Variants in ZCCHC9 observed in about 807,000 individuals in gnomAD.
ZCCHC9 encodes the protein zinc finger CCHC domain-containing protein 9.
A neutral mutation model predicts 30.8 loss-of-function variants in ZCCHC9; 18 were observed. That is an observed-to-expected ratio of 0.58 (90% CI 0.40 to 0.87). The LOEUF (loss-of-function observed/expected upper bound fraction) is 0.87. Among genes scored for constraint, ZCCHC9 ranks in the 40% least tolerant of loss-of-function variants. The probability of loss-of-function intolerance (pLI) is 0.00; values close to 1 mark genes in which losing one functional copy is unlikely to be tolerated. For synonymous variants in ZCCHC9, 94 were observed against 106.7 expected, an observed-to-expected ratio of 0.88 and a Z score of 0.73; for missense variants, 279 against 331.2, an observed-to-expected ratio of 0.84 and a Z score of 1.22.
intron 3 of ZCCHC9, 94 bp from the exon 4 acceptor site, chr5:81,308,852 A>C: frequency 2.2e-6 from 3 of 1,384,328 alleles, no homozygotes; most frequent in Non-Finnish European, 2.9e-6. Flanking sequence ...AAGTTATGTA[A>C]ATATATTTTT....
chr5:81,303,777 C>A (rs1380862078), intron 1 of ZCCHC9: 2 of 152,174 alleles, frequency 1.3e-5, no homozygotes, highest in Non-Finnish European at 2.9e-5. Context: ...TTTTCAGCTC[C>A]ATTATAATCA....
In ZCCHC9 at chr5:81,313,188, T is replaced by G. The variant is rs1758345391; in HGVS notation, c.*526T>G. ...TTTTTCTGAATACTTGATTCTCGAT[T>G]GAAATATCCATTGTTCGTTAATATC... is the stretch of plus-strand genomic sequence containing the variant. On this transcript the variant is annotated 3_prime_UTR_variant, in exon 6 of 6. Coordinates refer to ENST00000407610, the MANE Select transcript of ZCCHC9 (RefSeq NM_001131035.2). The G allele has an allele frequency of 6.6e-6, 1 of 152,282 alleles. No individual in the cohort carries two copies. Among genetic ancestry groups the G allele is most frequent in the Non-Finnish European group, 1.5e-5 (1 of 68,068 alleles). The allele number at this position is 152,282 out of a possible 1,614,324, so 9.4% of individuals were successfully genotyped here.
At position 81,308,639 on chromosome 5, in the gene ZCCHC9, G is replaced by A. The variant is rs992530546; in HGVS notation, c.463G>A (p.Gly155Arg). 1 of 1,613,964 alleles carries A rather than the reference G, an allele frequency of 6.2e-7. No individual in the cohort carries two copies. Among genetic ancestry groups the A allele is most frequent in the Non-Finnish European group, 8.5e-7 (1 of 1,179,916 alleles). Residue 155 changes from glycine to arginine, a missense_variant, in exon 3 of 6, where the codon GGG becomes AGG. Transcript: ENST00000407610. The part of the protein sequence containing the change: ...AALENQDMGT[G>R]ICYRCGSTEH... ...CCTTGAAAATCAAGACATGGGCACT[G>A]GGATATGTTACAGGTGTGGGTCCAC...
At chr5:81,302,010 G>T (rs1335548019) in intron 1 of ZCCHC9, 1 of 152,224 alleles carries the variant, frequency 6.6e-6, no homozygotes, top group Admixed American at 6.5e-5. Context: ...GAACAGCTTC[G>T]GTCCCCACTA....
intron 2 of ZCCHC9, among the ~76,000 whole-genome samples, chr5:81,307,434 G>A (rs538966668): frequency 1.2e-3 from 179 of 152,168 alleles, no homozygotes; most frequent in Non-Finnish European, 2.0e-3. Context: ...GGCTGAGGCA[G>A]GTGCATCAGG....
intron 5 of ZCCHC9, 34 bp downstream of exon 5, chr5:81,311,313 A>G (rs1580500061): frequency 6.3e-7 from 1 of 1,597,712 alleles, no homozygotes; most frequent in East Asian, 2.2e-5. Flanking sequence ...AGAAGGGGTG[A>G]GATTAGTATT....
chr5:81,311,766 T>C lies in ZCCHC9; in HGVS notation c.697+487T>C, dbSNP rs1266311260. Reference sequence around the variant, plus strand: ...CAGTATCTGGCGATTTTCTTCCTGATGAAATACCAGCCTTATTCATCAAAC... The same window carrying C: ...CAGTATCTGGCGATTTTCTTCCTGACGAAATACCAGCCTTATTCATCAAAC... On this transcript the variant is annotated intron_variant, in intron 5 of 5. Coordinates refer to ENST00000407610, the MANE Select transcript of ZCCHC9 (RefSeq NM_001131035.2). 2.0e-5 allele frequency among the ~76,000 whole-genome samples: 3 copies of C among 152,294 alleles called. No individual in the cohort carries two copies. The East Asian group carries it at 5.8e-4, about 29-fold the overall frequency.
Sources: allele counts gnomAD v4.1 joint callset (sites outside exome capture counted in the v4.1 genomes callset), GRCh38; gene constraint gnomAD v4.1.1; transcripts MANE v1.5; gene names NCBI Gene and HGNC (gene_info 2026-07-23, HGNC 2026-07-21).